The following GABRA3 variants were observed in gnomAD, a reference collection of about 807,000 sequenced individuals.
GABRA3 encodes the protein gamma-aminobutyric acid type A receptor subunit alpha3.
Under a neutral mutation model 30.1 loss-of-function variants are expected in GABRA3, and 10 were observed. That is an observed-to-expected ratio of 0.33 (90% confidence interval 0.20 to 0.56). GABRA3 has a LOEUF of 0.56. GABRA3 is among the 20% of genes least tolerant of loss of function. GABRA3 has a pLI of 0.89. For missense variants in GABRA3, 233 were observed against 392.0 expected (o/e 0.59, Z 3.42); for synonymous variants, 151 against 146.8 (o/e 1.03, Z -0.21).
intron 5 of GABRA3, among the ~76,000 whole-genome samples, chrX:152,229,267 G>A (rs1938021962): frequency 9.0e-6 from 1 of 111,254 alleles, no homozygotes; most frequent in African/African-American, 3.3e-5. Context: ...ACAGGGGTTG[G>A]CCTGCTTTGC....
chrX:152,390,035 C>T (rs190784246), intron 1 of GABRA3, among the ~76,000 whole-genome samples: 1 of 111,533 alleles, frequency 9.0e-6, no homozygotes, highest in Non-Finnish European at 1.9e-5. Context: ...AAGTAAATGG[C>T]AATAGTAAAA....
intron 4 of GABRA3, among the ~76,000 whole-genome samples, chrX:152,272,609 T>C (rs1017951228): frequency 2.7e-5 from 3 of 111,780 alleles, no homozygotes; most frequent in African/African-American, 9.8e-5. Flanking sequence ...AAGGCATGAT[T>C]ATGTTTTGAA....
chrX:152,395,649 G>A (rs1314395471), intron 1 of GABRA3, among the ~76,000 whole-genome samples: 2 of 111,835 alleles, frequency 1.8e-5, no homozygotes, highest in Admixed American at 9.5e-5. Context: ...ACCATAAAAT[G>A]TGAGGTAATG....
chrX:152,248,439 G>A (rs1295054177), intron 5 of GABRA3, among the ~76,000 whole-genome samples: 1 of 110,896 alleles, frequency 9.0e-6, no homozygotes, highest in African/African-American at 3.3e-5. Flanking sequence ...CAGTGGTCTT[G>A]AAACAAACTT....
chrX:152,325,456 G>A lies in GABRA3; in HGVS notation c.262+20125C>T, dbSNP rs771241727. Among the ~76,000 whole-genome samples the A allele has an allele frequency of 1.4e-3, 159 of 111,622 alleles. 1 individual carries two copies. Among genetic ancestry groups the A allele is most frequent in the Non-Finnish European group, 2.3e-3 (124 of 53,077 alleles). On this transcript the variant is annotated intron_variant, in intron 3 of 9. Transcript: ENST00000370314. ...TGGGAGACACCTCCCAGTAGGGGCC[G>A]ACTGACACCTCATACAGCCAGGTGC... is the stretch of plus-strand genomic sequence containing the variant.
At chrX:152,270,067 C>T (rs758947839) in intron 4 of GABRA3, among the ~76,000 whole-genome samples, 5 of 111,842 alleles carry the variant, frequency 4.5e-5, no homozygotes, top group Non-Finnish European at 9.4e-5. Context: ...ACCCACAGAA[C>T]AGGAGGAAAT....
intron 8 of GABRA3, among the ~76,000 whole-genome samples, chrX:152,193,158 AT>A (rs1937344872): frequency 1.8e-5 from 2 of 111,386 alleles, no homozygotes; most frequent in African/African-American, 6.5e-5. Context: ...CATCTATAGA[AT>A]ATTCCCATCT....
chrX:152,370,510 A>G (rs1928807316), intron 1 of GABRA3, among the ~76,000 whole-genome samples: 2 of 112,392 alleles, frequency 1.8e-5, no homozygotes, highest in African/African-American at 6.5e-5. Context: ...GATATACCAC[A>G]TAGAAATTTG....
At chrX:152,312,762 C>T (rs1367590398) in intron 3 of GABRA3, among the ~76,000 whole-genome samples, 3 of 111,716 alleles carry the variant, frequency 2.7e-5, no homozygotes, top group East Asian at 2.8e-4. Context: ...ATAATCTATA[C>T]AGAATTCAAA....
intron 3 of GABRA3, among the ~76,000 whole-genome samples, chrX:152,320,085 A>C (rs113514957): frequency 2.7e-5 from 3 of 111,536 alleles, no homozygotes; most frequent in African/African-American, 9.8e-5. Context: ...ACGTTGGCAT[A>C]GATGCAGTGA....
intron 6 of GABRA3, among the ~76,000 whole-genome samples, chrX:152,212,836 G>C (rs149218119): frequency 0.024 from 2,716 of 111,608 alleles, 43 homozygotes; most frequent in Middle Eastern, 0.069. Flanking sequence ...CTGGGGAGCA[G>C]AATTCTTCCC....
rs200493353 is a variant in GABRA3 at position 152,433,792 on chromosome X, GA to G, written c.-27+17353del. 5.9e-3 allele frequency among the ~76,000 whole-genome samples: 601 copies of G among 102,453 alleles called. 10 individuals carry two copies. Among genetic ancestry groups the G allele is most frequent in the African/African-American group, 0.019 (526 of 28,259 alleles). The allele number at this position is 102,453 out of a possible 115,157, so 89.0% of individuals were successfully genotyped here. A position where few individuals can be genotyped will look rare whatever the true frequency, so the allele number is the denominator to read the frequency against. The stretch of plus-strand genomic sequence containing the variant: ...TAGTAAACTTTTACACAGATAATGA[GA>G]AAAAAAAAGAAAACAAAAATTAACA... On this transcript the variant is annotated intron_variant, in intron 1 of 9. Transcript: ENST00000370314.
At chrX:152,212,521 A>G (rs1042093599) in intron 6 of GABRA3, among the ~76,000 whole-genome samples, 3 of 109,286 alleles carry the variant, frequency 2.7e-5, no homozygotes, top group Non-Finnish European at 5.7e-5. Context: ...ATGACCAGAT[A>G]TAAGCTTGGG....
chrX:152,239,880 A>T (rs1212055546), intron 5 of GABRA3, among the ~76,000 whole-genome samples: 1 of 102,041 alleles, frequency 9.8e-6, no homozygotes, highest in Non-Finnish European at 1.9e-5. Context: ...TTTTGAGCCT[A>T]TGTGTGTCTC....
At chrX:152,195,161 C>T (rs1937369611) in intron 8 of GABRA3, among the ~76,000 whole-genome samples, 1 of 111,901 alleles carries the variant, frequency 8.9e-6, no homozygotes, top group Admixed American at 9.5e-5. Flanking sequence ...TTTTAACATG[C>T]AGGTTCTCAC....
At chrX:152,446,008 A>G (rs941463630) in intron 1 of GABRA3, among the ~76,000 whole-genome samples, 5 of 112,331 alleles carry the variant, frequency 4.5e-5, no homozygotes, top group African/African-American at 1.6e-4. Context: ...TACATGACAT[A>G]TAACCTAGTT....
At chrX:152,184,283 C>T (rs1452230771) in intron 9 of GABRA3, among the ~76,000 whole-genome samples, 1 of 111,371 alleles carries the variant, frequency 9.0e-6, no homozygotes, top group East Asian at 2.8e-4. Flanking sequence ...TTGCTCTTCT[C>T]TTTCACATTG....
chrX:152,353,270 C>CA (rs1940504428), intron 2 of GABRA3, among the ~76,000 whole-genome samples: 1 of 111,342 alleles, frequency 9.0e-6, no homozygotes, highest in Non-Finnish European at 1.9e-5. Context: ...CACTGCTTCA[C>CA]AAAAAAGAGA....
chrX:152,183,645 T>A (rs1169189761), intron 9 of GABRA3, among the ~76,000 whole-genome samples: 6 of 111,557 alleles, frequency 5.4e-5, no homozygotes. Context: ...TAAAGTTAGA[T>A]TGCTTATTTG....
Sources: gnomAD v4.1 joint callset for allele counts (sites outside exome capture counted in the v4.1 genomes callset) on GRCh38, gnomAD v4.1.1 for gene constraint, MANE v1.5 for transcripts, NCBI Gene and HGNC (gene_info 2026-07-23, HGNC 2026-07-21) for gene names.